CNTN5: variants seen among roughly 807,000 people sequenced by gnomAD.
The protein encoded by CNTN5 is contactin-5.
Under a neutral mutation model 129.1 loss-of-function variants are expected in CNTN5, and 77 were observed. The observed-to-expected ratio is 0.60, with a 90% CI of 0.50 to 0.72. CNTN5 has a LOEUF of 0.72. Among genes scored for constraint, CNTN5 ranks in the 30% least tolerant of loss-of-function variants. CNTN5 has a pLI of 0.00. For missense variants in CNTN5, 1,478 were observed against 1,328.8 expected (o/e 1.11, Z -1.75); for synonymous variants, 509 against 465.6 (o/e 1.09, Z -1.20).
rs145772991 is a variant in CNTN5, at chr11:99,077,263, C to T, written c.-210+55993C>T. ...AGTAAAAGTTAAGTGATATATTGTT[C>T]CAGGAGCAACAACATCAACAACAAA... is the stretch of plus-strand genomic sequence containing the variant. On this transcript the variant is annotated intron_variant, in intron 1 of 24. Coordinates refer to ENST00000524871, the MANE Select transcript of CNTN5 (RefSeq NM_014361.4). 8.5e-4 allele frequency among the ~76,000 whole-genome samples: 123 copies of T among 145,148 alleles called. 2 individuals are homozygous for T. The East Asian group carries it at 0.025, about 29-fold the overall frequency.
At chr11:99,573,783 T>C (rs1434445168) in intron 3 of CNTN5, among the ~76,000 whole-genome samples, 1 of 151,714 alleles carries the variant, frequency 6.6e-6, no homozygotes, top group Non-Finnish European at 1.5e-5. Context: ...TCATTGGCCA[T>C]GCATGCATTT....
chr11:99,086,615 A>G (rs1318205316), intron 1 of CNTN5, among the ~76,000 whole-genome samples: 1 of 152,238 alleles, frequency 6.6e-6, no homozygotes, highest in Non-Finnish European at 1.5e-5. Flanking sequence ...CATCAACATT[A>G]TAATGAAATG....
At chr11:99,476,210 CAAGAT>C (rs747707206) in intron 2 of CNTN5, among the ~76,000 whole-genome samples, 102 of 152,032 alleles carry the variant, frequency 6.7e-4, no homozygotes, top group Non-Finnish European at 1.0e-3. Flanking sequence ...AAAATTATCA[CAAGAT>C]AAGATAATTA....
chr11:99,655,982 G>A (rs572751003), intron 3 of CNTN5, among the ~76,000 whole-genome samples: 23 of 151,876 alleles, frequency 1.5e-4, no homozygotes, highest in Non-Finnish European at 2.5e-4. Context: ...ATATGCATGT[G>A]TGTATATATA....
At chr11:99,638,232 G>A (rs993421664) in intron 3 of CNTN5, among the ~76,000 whole-genome samples, 4 of 152,082 alleles carry the variant, frequency 2.6e-5, no homozygotes, top group African/African-American at 7.2e-5. Flanking sequence ...TGAATCTCAT[G>A]AGACTTACTA....
At chr11:99,762,261 T>G (rs1944607142) in intron 3 of CNTN5, among the ~76,000 whole-genome samples, 1 of 146,002 alleles carries the variant, frequency 6.8e-6, no homozygotes, top group African/African-American at 2.5e-5. Flanking sequence ...CAGAAGCTCT[T>G]TAGTTTAATT....
chr11:99,309,513 T>A (rs1865016840), intron 1 of CNTN5, among the ~76,000 whole-genome samples: 1 of 152,238 alleles, frequency 6.6e-6, no homozygotes, highest in Non-Finnish European at 1.5e-5. Flanking sequence ...TGCTGCCTTG[T>A]GAACTTCCAT....
intron 3 of CNTN5, among the ~76,000 whole-genome samples, chr11:99,579,590 C>T (rs1949497159): frequency 6.9e-6 from 1 of 144,732 alleles, no homozygotes; most frequent in Non-Finnish European, 1.5e-5. Flanking sequence ...CTCTTTGAAG[C>T]AATTGTGAAT....
intron 9 of CNTN5, among the ~76,000 whole-genome samples, chr11:100,028,691 A>T (rs182769135): frequency 2.0e-5 from 3 of 152,292 alleles, no homozygotes; most frequent in Middle Eastern, 3.4e-3. Flanking sequence ...CTGAAAATAG[A>T]TGGTAGAAAA....
intron 2 of CNTN5, among the ~76,000 whole-genome samples, chr11:99,549,443 C>T (rs1450235384): frequency 6.6e-6 from 1 of 152,074 alleles, no homozygotes; most frequent in Non-Finnish European, 1.5e-5. Flanking sequence ...TCCAAAGCAG[C>T]CATATACATA....
intron 2 of CNTN5, among the ~76,000 whole-genome samples, chr11:99,340,825 A>G (rs1866478543): frequency 6.6e-6 from 1 of 152,248 alleles, no homozygotes; most frequent in Non-Finnish European, 1.5e-5. Context: ...TTACAATTAC[A>G]TAAATCTACA....
At chr11:99,274,607 T>G (rs1024331879) in intron 1 of CNTN5, among the ~76,000 whole-genome samples, 13 of 151,672 alleles carry the variant, frequency 8.6e-5, no homozygotes, top group Admixed American at 2.6e-4. Context: ...GAGGTAGCAA[T>G]CCTCATCTTG....
chr11:99,455,983 C>T (rs1944483042), intron 2 of CNTN5, among the ~76,000 whole-genome samples: 1 of 151,958 alleles, frequency 6.6e-6, no homozygotes, highest in African/African-American at 2.4e-5. Context: ...GCCAAAACAA[C>T]CAGGAGCTCT....
chr11:99,208,950 A>G lies in CNTN5; in HGVS notation c.-209-116396A>G, dbSNP rs115345550. Among the ~76,000 whole-genome samples, 628 of 152,252 alleles carry G rather than the reference A, an allele frequency of 4.1e-3. 6 individuals are homozygous for G. Among genetic ancestry groups the G allele is most frequent in the African/African-American group, 0.013 (529 of 41,568 alleles). ...CTATTTATTGAGCATATGCATCTCA[A>G]TTTGCAAGTCACAGTGTAGAATAGA... is the stretch of plus-strand genomic sequence containing the variant. On this transcript the variant is annotated intron_variant, in intron 1 of 24. Coordinates refer to ENST00000524871, the MANE Select transcript of CNTN5 (RefSeq NM_014361.4).
chr11:100,144,375 T>C (rs902670763), intron 13 of CNTN5, among the ~76,000 whole-genome samples: 1 of 152,132 alleles, frequency 6.6e-6, no homozygotes, highest in Admixed American at 6.6e-5. Flanking sequence ...CTCTCCTGCT[T>C]TCCTTCCACT....
chr11:99,344,918 T>G (rs550264229), intron 2 of CNTN5, among the ~76,000 whole-genome samples: 1 of 152,294 alleles, frequency 6.6e-6, no homozygotes, highest in South Asian at 2.1e-4. Context: ...CCTTACAAGA[T>G]TAGACATTTC....
At chr11:100,033,826 T>C (rs924260197) in intron 9 of CNTN5, among the ~76,000 whole-genome samples, 3 of 152,180 alleles carry the variant, frequency 2.0e-5, no homozygotes, top group African/African-American at 7.2e-5. Context: ...CTTCACCTCC[T>C]GCTCCCACAG....
intron 21 of CNTN5, among the ~76,000 whole-genome samples, chr11:100,329,883 G>A (rs1216189): frequency 0.7 from 105,887 of 152,026 alleles, 37,708 homozygotes; most frequent in East Asian, 0.97. Context: ...AGAAAGACCC[G>A]GAAAAAACAA....
chr11:99,513,035 C>G (rs1425865304), intron 2 of CNTN5, among the ~76,000 whole-genome samples: 1 of 152,024 alleles, frequency 6.6e-6, no homozygotes, highest in Admixed American at 6.6e-5. Context: ...GTTCCAAATG[C>G]AAAGGGAAAT....
Sources: allele counts gnomAD v4.1 joint callset (sites outside exome capture counted in the v4.1 genomes callset), GRCh38; gene constraint gnomAD v4.1.1; transcripts MANE v1.5; gene names NCBI Gene and HGNC (gene_info 2026-07-23, HGNC 2026-07-21).